DLGAP1: variants seen among roughly 807,000 people sequenced by gnomAD.
DLGAP1 encodes the protein disks large-associated protein 1.
A neutral mutation model predicts 90.8 loss-of-function variants in DLGAP1; 11 were observed. The ratio of observed to expected loss-of-function variants is 0.12; its 90% CI spans 0.08 to 0.20. The LOEUF (loss-of-function observed/expected upper bound fraction) is 0.20, where lower values mean the gene tolerates loss of function less well. Among genes scored for constraint, DLGAP1 ranks in the 10% least tolerant of loss-of-function variants. The pLI is 1.00. For synonymous variants in DLGAP1, 558 were observed against 540.7 expected (o/e 1.03, Z -0.44); for missense variants, 1,050 against 1,333.8 (o/e 0.79, Z 3.31).
At chr18:3,505,435 G>T (rs557727528) in intron 11 of DLGAP1, among the ~76,000 whole-genome samples, 1 of 151,746 alleles carries the variant, frequency 6.6e-6, no homozygotes, top group East Asian at 1.9e-4. Context: ...TCAGGAGTTC[G>T]AGACCAGCCT....
intron 2 of DLGAP1, among the ~76,000 whole-genome samples, chr18:4,119,628 G>A (rs1387040123): frequency 6.6e-6 from 1 of 152,134 alleles, no homozygotes; most frequent in African/African-American, 2.4e-5. Context: ...GGCAGAGCTA[G>A]GACTAGAATC....
intron 1 of DLGAP1, among the ~76,000 whole-genome samples, chr18:4,343,175 C>T (rs958894035): frequency 4.6e-5 from 7 of 151,988 alleles, no homozygotes; most frequent in East Asian, 1.9e-4. Flanking sequence ...GGCGTGGTGG[C>T]AGGCGCCTGT....
At chr18:4,299,085 C>CAAAAAAAAAAAA (rs35327176) in intron 1 of DLGAP1, among the ~76,000 whole-genome samples, 1 of 76,326 alleles carries the variant, frequency 1.3e-5, no homozygotes, top group Non-Finnish European at 2.7e-5. Flanking sequence ...TGTCTCAAGA[C>CAAAAAAAAAAAA]AAAAAAAAAA....
chr18:4,257,973 ATGTGTGTGTGTGTG>A (rs10625642), intron 1 of DLGAP1, among the ~76,000 whole-genome samples: 2 of 141,272 alleles, frequency 1.4e-5, no homozygotes, highest in Non-Finnish European at 3.0e-5. Context: ...AGTTATACAT[ATGTGTGTGTGTGTG>A]TGTGTGTGTG....
chr18:3,588,861 A>G (rs564478505), intron 7 of DLGAP1, among the ~76,000 whole-genome samples: 2 of 152,264 alleles, frequency 1.3e-5, no homozygotes, highest in South Asian at 4.1e-4. Context: ...GAGCTAGCTC[A>G]TGATTGAATA....
At chr18:4,144,046 G>C (rs2144335364) in intron 2 of DLGAP1, among the ~76,000 whole-genome samples, 1 of 152,222 alleles carries the variant, frequency 6.6e-6, no homozygotes, top group South Asian at 2.1e-4. Flanking sequence ...GTCTCTCTTA[G>C]GGTGTGAGCT....
chr18:3,828,639 CA>C (rs71368713), intron 4 of DLGAP1, among the ~76,000 whole-genome samples: 488 of 21,356 alleles, frequency 0.023, no homozygotes, highest in African/African-American at 0.07. Flanking sequence ...GACTCTATCT[CA>C]AAAAAAAAAA....
intron 9 of DLGAP1, among the ~76,000 whole-genome samples, chr18:3,547,162 G>T (rs142159493): frequency 6.6e-6 from 1 of 151,730 alleles, no homozygotes. Context: ...TTAGCCAGGC[G>T]TGGTGGCGGG....
In DLGAP1 at chr18:4,038,515, A is replaced by C. The variant is rs189874677; in HGVS notation, c.-158-33314T>G. 5.9e-5 allele frequency among the ~76,000 whole-genome samples: 9 copies of C among 152,196 alleles called. No homozygotes were observed. The East Asian group carries it at 1.5e-3, about 26-fold the overall frequency. ...AATTTTTATCTCCCTCCATTTTTCA[A>C]ATCTTCTATAAAGTAGGTTTATTTT... On this transcript the variant is annotated intron_variant, in intron 2 of 12. Coordinates refer to ENST00000315677, the MANE Select transcript of DLGAP1 (RefSeq NM_004746.4).
At chr18:4,239,636 T>C (rs1598700141) in intron 1 of DLGAP1, among the ~76,000 whole-genome samples, 2 of 152,226 alleles carry the variant, frequency 1.3e-5, no homozygotes, top group African/African-American at 2.4e-5. Context: ...TAAGTGGCTC[T>C]GGAGCCACAA....
intron 1 of DLGAP1, among the ~76,000 whole-genome samples, chr18:4,388,993 CA>C (rs1311301640): frequency 6.6e-6 from 1 of 152,116 alleles, no homozygotes; most frequent in East Asian, 1.9e-4. Context: ...TAAGATCCAG[CA>C]GTTCCACTTC....
In DLGAP1 at chr18:3,742,332, C is replaced by T. The variant is rs375743926; in HGVS notation, c.1350+3G>A. 14 of 1,612,484 alleles carry T rather than the reference C, an allele frequency of 8.7e-6. No individual in the cohort carries two copies. The African/African-American group carries it at 1.7e-4, about 20-fold the overall frequency. On this transcript the variant is annotated splice_donor_region_variant and intron_variant, in intron 6 of 12. Transcript: ENST00000315677. ...TGACCACCGCTGCCCTGACGGCCCT[C>T]ACCTGGCTGATGGTGCTCATGGCTC...
chr18:4,441,636 C>T (rs543634565), intron 1 of DLGAP1, among the ~76,000 whole-genome samples: 5 of 152,084 alleles, frequency 3.3e-5, no homozygotes, highest in African/African-American at 7.2e-5. Context: ...ACATGTAAGA[C>T]GTATGGCAAC....
intron 10 of DLGAP1, among the ~76,000 whole-genome samples, chr18:3,527,574 T>G (rs1344042023): frequency 6.6e-6 from 1 of 151,832 alleles, no homozygotes; most frequent in Non-Finnish European, 1.5e-5. Context: ...TAGTTTTTTT[T>G]GTTTTGTTTT....
chr18:4,407,357 G>C (rs780567630), intron 1 of DLGAP1, among the ~76,000 whole-genome samples: 5 of 152,176 alleles, frequency 3.3e-5, no homozygotes, highest in Non-Finnish European at 7.3e-5. Context: ...ATAAGTTCTA[G>C]CTAGATGAAA....
chr18:4,364,592 T>A (rs2081717342), intron 1 of DLGAP1, among the ~76,000 whole-genome samples: 1 of 151,496 alleles, frequency 6.6e-6, no homozygotes, highest in Admixed American at 6.6e-5. Flanking sequence ...ATGTGTAGTT[T>A]AAAAAAAAAT....
intron 1 of DLGAP1, among the ~76,000 whole-genome samples, chr18:4,211,928 A>T (rs1000589750): frequency 6.6e-6 from 1 of 152,156 alleles, no homozygotes; most frequent in Non-Finnish European, 1.5e-5. Flanking sequence ...AATTCAGGAG[A>T]GAATGCAAGC....
intron 7 of DLGAP1, among the ~76,000 whole-genome samples, chr18:3,598,615 A>G (rs1184721840): frequency 1.3e-5 from 2 of 151,350 alleles, no homozygotes; most frequent in African/African-American, 4.9e-5. Context: ...TTACAGGTGC[A>G]TGCCACCCCG....
At chr18:3,878,772 T>C (rs2071067950) in intron 4 of DLGAP1, among the ~76,000 whole-genome samples, 1 of 152,224 alleles carries the variant, frequency 6.6e-6, no homozygotes, top group Non-Finnish European at 1.5e-5. Context: ...AAAGGTGGAC[T>C]TCTTTTAAAA....
Sources: gnomAD v4.1 joint callset for allele counts (sites outside exome capture counted in the v4.1 genomes callset) on GRCh38, gnomAD v4.1.1 for gene constraint, MANE v1.5 for transcripts, NCBI Gene and HGNC (gene_info 2026-07-23, HGNC 2026-07-21) for gene names.